ZNF280D: variants seen among roughly 807,000 people sequenced by gnomAD.
ZNF280D encodes the protein zinc finger protein 280D.
In ZNF280D, 39 loss-of-function variants were observed where a neutral mutation model predicts 94.7. The ratio of observed to expected loss-of-function variants is 0.41; its 90% confidence interval spans 0.32 to 0.54. The LOEUF is 0.54. Ranked by LOEUF, ZNF280D falls within the 20% of genes least tolerant of loss-of-function variation. The probability of loss-of-function intolerance (pLI) is 0.22; values close to 1 mark genes in which losing one functional copy is unlikely to be tolerated. For missense variants in ZNF280D, 1,090 were observed against 1,149.3 expected (o/e 0.95, Z 0.75); for synonymous variants, 398 against 377.6 (o/e 1.05, Z -0.63).
intron 19 of ZNF280D, chr15:56,653,907 T>G: frequency 7.9e-7 from 1 of 1,267,050 alleles, no homozygotes; most frequent in Non-Finnish European, 1.0e-6. Context: ...TAGTCCCATT[T>G]GAAAGCTGAA....
rs772345135 is a variant in ZNF280D, at chr15:56,666,509, A to G, written c.1880T>C (p.Ile627Thr). 1.3e-5 allele frequency: 20 copies of G among 1,598,116 alleles called. No homozygotes were observed. The Admixed American group carries it at 3.5e-4, about 28-fold the overall frequency. ...LRYRRGIHKCIECCSEIKDFA... is the reference protein window; with the variant it reads ...LRYRRGIHKCTECCSEIKDFA... The stretch of plus-strand genomic sequence containing the variant: ...ATCTTTTATTTCGGAACAACACTCA[A>G]TGCATTTGTGAATGCCCCGACGATA... The change falls in exon 16 of 22, where the codon ATT becomes ACT. Residue 627 changes from isoleucine (I) to threonine (T), a missense_variant. Coordinates refer to ENST00000267807, the MANE Select transcript of ZNF280D (RefSeq NM_017661.4).
Position 56,689,317 on chromosome 15 carries a change from T to G in ZNF280D, c.653A>C (p.Gln218Pro). The G allele has an allele frequency of 6.2e-7, 1 of 1,601,016 alleles. No individual in the cohort carries two copies. Among genetic ancestry groups the G allele is most frequent in the Non-Finnish European group, 8.5e-7 (1 of 1,175,994 alleles). Reference sequence around the variant, plus strand: ...ATATTTACCTTTTGCTAGCATAGCCTGGGAAGAAGTCACTGAAGGAGATTT... The same window carrying G: ...ATATTTACCTTTTGCTAGCATAGCCGGGGAAGAAGTCACTGAAGGAGATTT... ...SVKSPSVTSS[Q>P]AMLAKGTNTS... is the part of the protein sequence containing the mutation. Residue 218 changes from glutamine to proline, a missense_variant, in exon 8 of 22, where the codon CAG becomes CCG. Around this residue, in one of 3 missense-constraint regions of ZNF280D, gnomAD observed 386 missense variants for 372.0 expected, o/e 1.04. Coordinates refer to ENST00000267807, the MANE Select transcript of ZNF280D (RefSeq NM_017661.4).
chr15:56,666,999 A>G lies in ZNF280D; in HGVS notation c.1546-13T>C, dbSNP rs1174462207. 6.5e-7 allele frequency: 1 copy of G among 1,541,768 alleles called. No homozygotes were observed. The highest frequency in any genetic ancestry group is 8.7e-7 in the Non-Finnish European group (1 of 1,146,084). The stretch of plus-strand genomic sequence containing the variant: ...CTCGAATAGTAACCTACAAAAATAA[A>G]GAGAAGATTTGCTTTAAGAGATTAA... On this transcript the variant is annotated splice_polypyrimidine_tract_variant and intron_variant, in intron 14 of 21. Coordinates refer to ENST00000267807, the MANE Select transcript of ZNF280D (RefSeq NM_017661.4).
At chr15:56,677,844 C>T (rs1251503932) in intron 11 of ZNF280D, among the ~76,000 whole-genome samples, 170 bp from the exon 12 acceptor site, 1 of 152,110 alleles carries the variant, frequency 6.6e-6, no homozygotes, top group Non-Finnish European at 1.5e-5. Flanking sequence ...ATTACCTCAC[C>T]TACATTAACT....
chr15:56,688,004 T>C (rs1448390196), intron 9 of ZNF280D, among the ~76,000 whole-genome samples: 2 of 152,060 alleles, frequency 1.3e-5, no homozygotes, highest in African/African-American at 4.8e-5. Context: ...CTTCCTTCTT[T>C]TCCTTATATA....
At chr15:56,675,438 T>G (rs1304264259) in intron 13 of ZNF280D, among the ~76,000 whole-genome samples, 3 of 152,054 alleles carry the variant, frequency 2.0e-5, no homozygotes, top group African/African-American at 7.2e-5. Context: ...AGATACTTTT[T>G]TTTTTTTATA....
intron 20 of ZNF280D, among the ~76,000 whole-genome samples, chr15:56,639,753 G>C (rs2052533662): frequency 2.0e-5 from 3 of 152,158 alleles, no homozygotes; most frequent in Admixed American, 1.3e-4. Context: ...ACCTTCTCAG[G>C]AAGCTAGTAG....
intron 13 of ZNF280D, among the ~76,000 whole-genome samples, chr15:56,674,161 A>G (rs2055059846): frequency 6.6e-6 from 1 of 151,992 alleles, no homozygotes; most frequent in Admixed American, 6.6e-5. Context: ...AGAGATTAAC[A>G]GAGAAAATGC....
At position 56,635,237 on chromosome 15, in the gene ZNF280D, G is replaced by A. The variant is rs1261948998; in HGVS notation, c.2273C>T (p.Pro758Leu). ...TTCTGTTTCTCTTTCAGCCATGTTA[G>A]GTCTTGCAATTTCCTGAAATAATTA... ...QEPVSKEIARPNMAERETETS... is the reference protein window; with the variant it reads ...QEPVSKEIARLNMAERETETS... Residue 758 changes from proline to leucine, a missense_variant, in exon 21 of 22, where the codon CCT (proline) becomes CTT (leucine). Transcript: ENST00000267807. 1 of 1,529,894 alleles carries A rather than the reference G, an allele frequency of 6.5e-7. No individual in the cohort carries two copies. Among genetic ancestry groups the A allele is most frequent in the Non-Finnish European group, 8.8e-7 (1 of 1,141,140 alleles). 94.8% of individuals were successfully genotyped at this position (1,529,894 alleles called of 1,614,324 possible).
chr15:56,706,463 G>A (rs1477181067), intron 3 of ZNF280D, among the ~76,000 whole-genome samples: 1 of 151,968 alleles, frequency 6.6e-6, no homozygotes, highest in African/African-American at 2.4e-5. Context: ...GGGTGACAGA[G>A]TGAGAATCTG....
intron 16 of ZNF280D, among the ~76,000 whole-genome samples, chr15:56,663,038 C>T (rs2054054166): frequency 6.6e-6 from 1 of 151,290 alleles, no homozygotes; most frequent in South Asian, 2.1e-4. Context: ...AATCATTGCA[C>T]TTTAAGAGGC....
chr15:56,701,193 T>C lies in ZNF280D; in HGVS notation c.221A>G (p.Lys74Arg). 3.8e-6 allele frequency: 6 copies of C among 1,590,424 alleles called. No individual in the cohort carries two copies. The highest frequency in any genetic ancestry group is 5.1e-6 in the Non-Finnish European group (6 of 1,167,632). The part of the protein sequence containing the change: ...VNPSSYSRGL[K>R]NGALSRGITA... ...TGTACCTCGACTGAGTGCACCATTCTTTAGTCCCCTTGAATATGAGCTGGG... is the reference window on the plus strand; with the variant it reads ...TGTACCTCGACTGAGTGCACCATTCCTTAGTCCCCTTGAATATGAGCTGGG... Residue 74 changes from lysine (K) to arginine (R), a missense_variant, in exon 5 of 22, where the codon AAG becomes AGG. Physicochemically the swap from Lys to Arg is conservative, Grantham distance 26. This residue lies in a region of ZNF280D where 386 missense variants were observed against 372.0 expected (regional missense o/e 1.04). Coordinates refer to ENST00000267807, the MANE Select transcript of ZNF280D (RefSeq NM_017661.4).
intron 16 of ZNF280D, among the ~76,000 whole-genome samples, chr15:56,661,722 T>G (rs949600228): frequency 1.3e-5 from 2 of 152,166 alleles, no homozygotes; most frequent in Non-Finnish European, 2.9e-5. Flanking sequence ...ATAACCTAGG[T>G]AAATTTATTT....
At chr15:56,730,775 T>C (rs2058843858) in intron 1 of ZNF280D, among the ~76,000 whole-genome samples, 3 of 152,218 alleles carry the variant, frequency 2.0e-5, no homozygotes, top group Admixed American at 2.0e-4. Context: ...CTTCTTCTTC[T>C]TCCTAACTTC....
rs370775362 is a variant in ZNF280D at position 56,696,974 on chromosome 15, T to A, written c.382-3759A>T. Among the ~76,000 whole-genome samples, 13 of 152,312 alleles carry A rather than the reference T, an allele frequency of 8.5e-5. No individual in the cohort carries two copies. In the East Asian group the frequency reaches 2.1e-3, roughly 25 times the overall value. ...TAACACCAAACGTACAAACTCTTGC[T>A]TTTATTTTTTTTCCCCATCCTCGGT... On this transcript the variant is annotated intron_variant, in intron 6 of 21. Transcript: ENST00000267807.
At chr15:56,645,698 C>T (rs1414482359) in intron 19 of ZNF280D, among the ~76,000 whole-genome samples, 6 of 152,114 alleles carry the variant, frequency 3.9e-5, no homozygotes, top group Non-Finnish European at 8.8e-5. Flanking sequence ...AGGCACATGC[C>T]ACCATGCCTG....
intron 1 of ZNF280D, among the ~76,000 whole-genome samples, chr15:56,723,268 A>G (rs1479443653): frequency 2.0e-5 from 3 of 152,184 alleles, no homozygotes; most frequent in African/African-American, 7.2e-5. Context: ...AGTGAAAAAA[A>G]TGTGGTGTAT....
intron 1 of ZNF280D, among the ~76,000 whole-genome samples, chr15:56,723,292 C>T (rs1250571725): frequency 2.0e-5 from 3 of 151,768 alleles, no homozygotes; most frequent in Non-Finnish European, 4.4e-5. Flanking sequence ...TACAATGTAG[C>T]ATTATTTAGC....
At chr15:56,632,199 C>G (rs1469284471) in intron 21 of ZNF280D, 77 bp from the exon 22 acceptor site, 1 of 1,302,318 alleles carries the variant, frequency 7.7e-7, no homozygotes, top group Non-Finnish European at 1.0e-6. Context: ...AAGACGTGTT[C>G]TAAAAAATAA....
Sources: gnomAD v4.1 joint callset for allele counts (sites outside exome capture counted in the v4.1 genomes callset) on GRCh38, gnomAD v4.1.1 for gene constraint, gnomAD v4.1.1 regional missense constraint, MANE v1.5 for transcripts, NCBI Gene and HGNC (gene_info 2026-07-23, HGNC 2026-07-21) for gene names.